The following CARS1 variants were observed in gnomAD, a reference collection of about 807,000 sequenced individuals.
CARS1 encodes the protein cysteine--tRNA ligase, cytoplasmic.
Under a neutral mutation model 106.2 loss-of-function variants are expected in CARS1, and 48 were observed. The observed-to-expected ratio is 0.45, with a 90% CI of 0.36 to 0.57. The LOEUF (loss-of-function observed/expected upper bound fraction) is 0.57. CARS1 is among the 20% of genes least tolerant of loss of function. The pLI is 0.00. For missense variants in CARS1, 968 were observed against 1,057.2 expected, an observed-to-expected ratio of 0.92 and a Z score of 1.17; for synonymous variants, 409 against 403.4, an observed-to-expected ratio of 1.01 and a Z score of -0.17.
In CARS1 at chr11:3,017,543, T is replaced by TG. The variant is rs1220405776; in HGVS notation, c.1728-249dup. Reference sequence around the variant, plus strand: ...CTGTAACCCCAGCTACTCGGGAGGCTGAGGCAGGAGAATCGCTCGAACCCG... The same window carrying TG: ...CTGTAACCCCAGCTACTCGGGAGGCTGGAGGCAGGAGAATCGCTCGAACCCG... On this transcript the variant is annotated intron_variant, in intron 15 of 22. Coordinates refer to ENST00000380525, the MANE Select transcript of CARS1 (RefSeq NM_001014437.3). The surrounding 1 kb of genome is among the most constrained non-coding windows in gnomAD (Gnocchi z 4.9). 1.8e-6 allele frequency: 1 copy of TG among 559,634 alleles called. No individual in the cohort carries two copies. The highest frequency in any genetic ancestry group is 3.2e-6 in the Non-Finnish European group (1 of 315,446). The allele number at this position is 559,634 out of a possible 1,614,324, so 34.7% of individuals were successfully genotyped here.
At position 3,039,590 on chromosome 11, in the gene CARS1, T is replaced by C. The variant is rs550980018; in HGVS notation, c.552+245A>G. The stretch of plus-strand genomic sequence containing the variant: ...TGCGTGCTGTGGGAGGCCTTCCTTC[T>C]GCAAAACACCCAGGGCTACCGACCC... On this transcript the variant is annotated intron_variant, in intron 5 of 22. Coordinates refer to ENST00000380525, the MANE Select transcript of CARS1 (RefSeq NM_001014437.3). The surrounding 1 kb of genome is among the most constrained non-coding windows in gnomAD (Gnocchi z 5.6). Among the ~76,000 whole-genome samples the C allele has an allele frequency of 5.9e-5, 9 of 152,322 alleles. No homozygotes were observed. The highest frequency in any genetic ancestry group is 2.2e-4 in the African/African-American group (9 of 41,576).
In CARS1 at chr11:3,004,762, A is replaced by G. The variant is rs908767559; in HGVS notation, c.2217+604T>C. Among the ~76,000 whole-genome samples, 22 of 152,284 alleles carry G rather than the reference A, an allele frequency of 1.4e-4. No individual in the cohort carries two copies. The highest frequency in any genetic ancestry group is 4.3e-4 in the African/African-American group (18 of 41,552). On this transcript the variant is annotated intron_variant, in intron 20 of 22. Transcript: ENST00000380525. The surrounding 1 kb of genome is among the most constrained non-coding windows in gnomAD (Gnocchi z 5.2). ...TGCTGGGAATAGGAGGTGGAGATGC[A>G]TCAGTGACACGCGCCACTCAGGTGA...
chr11:3,002,814 C>T (rs1849520933), intron 20 of CARS1, among the ~76,000 whole-genome samples: 2 of 152,170 alleles, frequency 1.3e-5, no homozygotes, highest in South Asian at 4.1e-4. Flanking sequence ...AGCGGCACCC[C>T]TGGGTGCCTG....
Position 3,017,606 on chromosome 11 carries a change from G to T in CARS1, c.1727+251C>A, listed in dbSNP as rs1851172355. 4 of 565,290 alleles carry T rather than the reference G, an allele frequency of 7.1e-6. No individual in the cohort carries two copies. The highest frequency in any genetic ancestry group is 1.2e-5 in the Non-Finnish European group (4 of 320,144). 35.0% of individuals were successfully genotyped at this position (565,290 alleles called of 1,614,324 possible). A position where few individuals can be genotyped will look rare whatever the true frequency, so the allele number is the denominator to read the frequency against. On this transcript the variant is annotated intron_variant, in intron 15 of 22. Transcript: ENST00000380525. The surrounding 1 kb of genome is among the most constrained non-coding windows in gnomAD (Gnocchi z 4.9). Reference sequence around the variant, plus strand: ...TGTGGTGAGCCGAGATCACGCCACTGCACTCCAGCCTGGGCAACAAGGGCG... The same window carrying T: ...TGTGGTGAGCCGAGATCACGCCACTTCACTCCAGCCTGGGCAACAAGGGCG...
chr11:3,015,474 A>T (rs1340572521), intron 17 of CARS1, among the ~76,000 whole-genome samples: 1 of 152,256 alleles, frequency 6.6e-6, no homozygotes, highest in Admixed American at 6.5e-5. Context: ...CATGATGCCA[A>T]GTGGCCGCAG....
rs1387722019 is a variant in CARS1 at position 3,001,066 on chromosome 11, C to T, written c.*48G>A. On this transcript the variant is annotated 3_prime_UTR_variant, in exon 23 of 23. Transcript: ENST00000380525. ...GCTGGGACATTGTCACTGAGGCAGA[C>T]AGCAGCCACTAGTCCACAATGGTTT... 5.0e-6 allele frequency: 8 copies of T among 1,603,688 alleles called. No individual in the cohort carries two copies. The highest frequency in any genetic ancestry group is 1.3e-5 in the African/African-American group (1 of 74,738).
At chr11:3,035,091 C>A (rs932519514) in intron 7 of CARS1, among the ~76,000 whole-genome samples, 1 of 152,120 alleles carries the variant, frequency 6.6e-6, no homozygotes, top group Non-Finnish European at 1.5e-5. Context: ...GAGGGCAGAG[C>A]TCTCATGACT....
rs939623500 is a variant in CARS1 at position 3,020,251 on chromosome 11, C to G, written c.1235G>C (p.Gly412Ala). The G allele has an allele frequency of 8.1e-6, 13 of 1,613,168 alleles. No individual in the cohort carries two copies. Among genetic ancestry groups the G allele is most frequent in the Non-Finnish European group, 1.1e-5 (13 of 1,179,212 alleles). Residue 412 changes from glycine (G) to alanine (A), a missense_variant, in exon 11 of 23, where the codon GGA (glycine) becomes GCA (alanine). By Grantham distance (60) the Gly-to-Ala change is moderately conservative (BLOSUM62 0). Coordinates refer to ENST00000380525, the MANE Select transcript of CARS1 (RefSeq NM_001014437.3). The surrounding 1 kb of genome is among the most constrained non-coding windows in gnomAD (Gnocchi z 4.6). Reference sequence around the variant, plus strand: ...CCAAGGGCACGGCCAGGACGGTTCTCCGGGCTTAGAGGCCTTCCATAAGGC... The same window carrying G: ...CCAAGGGCACGGCCAGGACGGTTCTGCGGGCTTAGAGGCCTTCCATAAGGC... ...DFALWKASKP[G>A]EPSWPCPWGK...
intron 17 of CARS1, 86 bp downstream of exon 17, chr11:3,015,695 A>G: frequency 1.7e-6 from 2 of 1,182,810 alleles, no homozygotes; most frequent in Non-Finnish European, 2.5e-6. Flanking sequence ...GTGGGCAGAC[A>G]GAGGAGGGGC....
Position 3,046,915 on chromosome 11 carries a change from C to A in CARS1, c.274+838G>T, listed in dbSNP as rs1855145732. 6.6e-6 allele frequency among the ~76,000 whole-genome samples: 1 copy of A among 152,168 alleles called. No individual in the cohort carries two copies. Among genetic ancestry groups the A allele is most frequent in the African/African-American group, 2.4e-5 (1 of 41,432 alleles). ...GCACGTTCCACAGACACAACCAGCA[C>A]CAACAGGCTGGAGCTACGGGACAGA... is the stretch of plus-strand genomic sequence containing the variant. On this transcript the variant is annotated intron_variant, in intron 2 of 22. Transcript: ENST00000380525. This position sits in a 1 kb window ranked among gnomAD's most constrained non-coding sequence, Gnocchi z 5.8.
chr11:3,049,718 A>G (rs1394430067), intron 1 of CARS1, among the ~76,000 whole-genome samples: 1 of 152,216 alleles, frequency 6.6e-6, no homozygotes, highest in Non-Finnish European at 1.5e-5. Flanking sequence ...GCTGCCCGAC[A>G]TCACAGCCAT....
intron 18 of CARS1, among the ~76,000 whole-genome samples, chr11:3,011,441 T>TA (rs5789291): frequency 1.0e-4 from 15 of 145,384 alleles, no homozygotes; most frequent in East Asian, 4.0e-4. Flanking sequence ...CCATCTCTGC[T>TA]AAAAAAAAAA....
At chr11:3,042,616 C>A (rs1166292800) in intron 2 of CARS1, among the ~76,000 whole-genome samples, 1 of 152,218 alleles carries the variant, frequency 6.6e-6, no homozygotes, top group African/African-American at 2.4e-5. Flanking sequence ...GCCTGCACAG[C>A]GTGCCCAGCA....
intron 22 of CARS1, 101 bp downstream of exon 22, chr11:3,001,869 G>A: frequency 1.0e-6 from 1 of 970,790 alleles, no homozygotes; most frequent in Admixed American, 1.7e-5. Context: ...ATTTTCTACA[G>A]ACAGAAAATC....
At chr11:3,047,686 T>G in intron 2 of CARS1, 67 bp downstream of exon 2, 6 of 1,530,416 alleles carry the variant, frequency 3.9e-6, no homozygotes, top group East Asian at 2.3e-5. Context: ...AGCACCAGGG[T>G]GATGGAGAAA....
rs1168161212 is a variant in CARS1, at chr11:3,003,874, G to GT, written c.2218-1275dup. On this transcript the variant is annotated intron_variant, in intron 20 of 22. Coordinates refer to ENST00000380525, the MANE Select transcript of CARS1 (RefSeq NM_001014437.3). The surrounding 1 kb of genome is among the most constrained non-coding windows in gnomAD (Gnocchi z 4.8). ...TGCCTTCTTGCAGCAGCTTGGTGAG[G>GT]TAAGAGTCCCTTGGTTGGGAAACAG... Among the ~76,000 whole-genome samples the GT allele has an allele frequency of 2.6e-5, 4 of 152,152 alleles. No individual in the cohort carries two copies. Among genetic ancestry groups the GT allele is most frequent in the African/African-American group, 9.7e-5 (4 of 41,428 alleles).
chr11:3,026,090 A>G (rs1375115296), intron 10 of CARS1, among the ~76,000 whole-genome samples: 1 of 152,256 alleles, frequency 6.6e-6, no homozygotes, highest in African/African-American at 2.4e-5. Context: ...TAAACCAGGC[A>G]GAGAAAGACA....
Position 3,004,131 on chromosome 11 carries a change from G to T in CARS1, c.2217+1235C>A, listed in dbSNP as rs1849640722. Among the ~76,000 whole-genome samples the T allele has an allele frequency of 6.6e-6, 1 of 152,214 alleles. No homozygotes were observed. Among genetic ancestry groups the T allele is most frequent in the African/African-American group, 2.4e-5 (1 of 41,442 alleles). On this transcript the variant is annotated intron_variant, in intron 20 of 22. Coordinates refer to ENST00000380525, the MANE Select transcript of CARS1 (RefSeq NM_001014437.3). The surrounding 1 kb of genome is among the most constrained non-coding windows in gnomAD (Gnocchi z 5.2). ...GACCCAAGGCTAGGTGAGTGACTGT[G>T]ATGGAATGGGGAGGGGCCCTGATGA...
chr11:3,055,336 G>A (rs2134330643), intron 1 of CARS1, among the ~76,000 whole-genome samples: 1 of 152,118 alleles, frequency 6.6e-6, no homozygotes, highest in East Asian at 1.9e-4. Flanking sequence ...TTTATTTTTA[G>A]TAGAGACAGG....
Sources: allele counts gnomAD v4.1 joint callset (sites outside exome capture counted in the v4.1 genomes callset), GRCh38; gene constraint gnomAD v4.1.1; non-coding constraint Gnocchi (gnomAD v3.1); transcripts MANE v1.5; gene names NCBI Gene and HGNC (gene_info 2026-07-23, HGNC 2026-07-21).